LRRC4B: variants seen among roughly 807,000 people sequenced by gnomAD.
LRRC4B encodes the protein leucine-rich repeat-containing protein 4B.
LRRC4B carries 1 observed loss-of-function variant against 7.3 expected under a neutral mutation model. The ratio of observed to expected loss-of-function variants is 0.14; its 90% confidence interval spans 0.05 to 0.65. The LOEUF (loss-of-function observed/expected upper bound fraction) is 0.65. Among genes scored for constraint, LRRC4B ranks in the 30% least tolerant of loss-of-function variants. The pLI is 0.84. For missense variants in LRRC4B, 730 were observed against 1,041.6 expected, an observed-to-expected ratio of 0.70 and a Z score of 4.12; for synonymous variants, 500 against 499.2, an observed-to-expected ratio of 1.00 and a Z score of -0.02.
At chr19:50,521,048 C>G (rs1011281636) in intron 2 of LRRC4B, among the ~76,000 whole-genome samples, 16 of 152,114 alleles carry the variant, frequency 1.1e-4, no homozygotes, top group African/African-American at 2.9e-4. Flanking sequence ...GTAAAGGATG[C>G]TGCGGCTCAG....
chr19:50,536,173 G>A (rs1177165819), intron 2 of LRRC4B, among the ~76,000 whole-genome samples: 6 of 150,288 alleles, frequency 4.0e-5, no homozygotes, highest in African/African-American at 9.8e-5. Flanking sequence ...TCGCTCTGTC[G>A]CCCAGGCTGG....
chr19:50,544,086 A>G (rs940738925), intron 2 of LRRC4B, among the ~76,000 whole-genome samples: 5 of 152,128 alleles, frequency 3.3e-5, no homozygotes, highest in Admixed American at 6.6e-5. Flanking sequence ...GTGCGCCTGT[A>G]ATCCCAGCTA....
rs550745621 is a variant in LRRC4B at position 50,545,760 on chromosome 19, G to C, written c.297+2782C>G. The stretch of plus-strand genomic sequence containing the variant: ...TTTTTTTTTAAGACAGGGTCTCTCT[G>C]TTGCCCAGGATGGAGTGCAGTGGTG... On this transcript the variant is annotated intron_variant, in intron 2 of 2. Transcript: ENST00000652263. Among the ~76,000 whole-genome samples the C allele has an allele frequency of 2.2e-3, 272 of 123,740 alleles. 3 individuals carry two copies. Among genetic ancestry groups the C allele is most frequent in the African/African-American group, 7.7e-3 (255 of 33,258 alleles). 81.2% of individuals were successfully genotyped at this position (123,740 alleles called of 152,430 possible).
intron 2 of LRRC4B, among the ~76,000 whole-genome samples, chr19:50,534,971 T>C (rs1465119402): frequency 6.6e-6 from 1 of 151,830 alleles, no homozygotes; most frequent in Non-Finnish European, 1.5e-5. Context: ...CGGGTTCAAG[T>C]GATTCTCCTG....
At chr19:50,551,103 C>CG (rs1360362790) in intron 1 of LRRC4B, 3 of 149,572 alleles carry the variant, frequency 2.0e-5, no homozygotes, top group Admixed American at 2.0e-4. Flanking sequence ...GCTTCTGCAG[C>CG]GACTCGGCCT....
At position 50,548,440 on chromosome 19, in the gene LRRC4B, G is replaced by A. The variant is rs1246883410; in HGVS notation, c.297+102C>T. 40 of 1,460,928 alleles carry A rather than the reference G, an allele frequency of 2.7e-5. No individual in the cohort carries two copies. The highest frequency in any genetic ancestry group is 2.3e-4 in the Middle Eastern group (1 of 4,270). 90.5% of individuals were successfully genotyped at this position (1,460,928 alleles called of 1,614,324 possible). ...GGCCACATCCACAGGTGCCGGAGAC[G>A]GGGAAGCCCCGGTGTGGGGAGGCCC... On this transcript the variant is annotated intron_variant, in intron 2 of 2. Transcript: ENST00000652263. This position sits in a 1 kb window ranked among gnomAD's most constrained non-coding sequence, Gnocchi z 6.8.
chr19:50,562,627 C>T (rs1482881638), intron 1 of LRRC4B, among the ~76,000 whole-genome samples: 1 of 152,168 alleles, frequency 6.6e-6, no homozygotes, highest in Non-Finnish European at 1.5e-5. Context: ...AAGCTCAACT[C>T]CCTGGGCTGG....
chr19:50,536,064 C>A (rs1038927079), intron 2 of LRRC4B, among the ~76,000 whole-genome samples: 7 of 152,004 alleles, frequency 4.6e-5, no homozygotes, highest in Admixed American at 2.6e-4. Flanking sequence ...CCTTCCCTGG[C>A]CTCCCCTCAC....
chr19:50,528,028 A>G (rs760424291), intron 2 of LRRC4B, among the ~76,000 whole-genome samples: 4 of 151,908 alleles, frequency 2.6e-5, no homozygotes, highest in Non-Finnish European at 5.9e-5. Context: ...GGCGTGAGCC[A>G]CCGTGCCTGG....
In LRRC4B at chr19:50,517,459, T is replaced by C; in HGVS notation, c.*112A>G. Reference sequence around the variant, plus strand: ...AGCCACCTCTCCCCAATTCCCTGCGTGGTCCCAGAAGGTGGGCTGGGCTGT... The same window carrying C: ...AGCCACCTCTCCCCAATTCCCTGCGCGGTCCCAGAAGGTGGGCTGGGCTGT... On this transcript the variant is annotated 3_prime_UTR_variant, in exon 3 of 3. Coordinates refer to ENST00000652263, the MANE Select transcript of LRRC4B (RefSeq NM_001080457.2). The surrounding 1 kb of genome is among the most constrained non-coding windows in gnomAD (Gnocchi z 6.6). 1.0e-6 allele frequency: 1 copy of C among 982,322 alleles called. No homozygotes were observed. 60.9% of individuals were successfully genotyped at this position (982,322 alleles called of 1,614,324 possible). A position where few individuals can be genotyped will look rare whatever the true frequency, so the allele number is the denominator to read the frequency against.
chr19:50,540,209 C>T (rs1324913039), intron 2 of LRRC4B, among the ~76,000 whole-genome samples: 1 of 152,090 alleles, frequency 6.6e-6, no homozygotes, highest in Admixed American at 6.5e-5. Context: ...ACCCAGGGGT[C>T]CGCAACCCCT....
chr19:50,562,844 G>A (rs1454375097), intron 1 of LRRC4B, among the ~76,000 whole-genome samples: 2 of 151,244 alleles, frequency 1.3e-5, no homozygotes, highest in African/African-American at 2.4e-5. Context: ...GGGTTCAAGC[G>A]ATTCTCCTGC....
chr19:50,547,917 C>T (rs1342552599), intron 2 of LRRC4B, among the ~76,000 whole-genome samples: 1 of 151,996 alleles, frequency 6.6e-6, no homozygotes, highest in Non-Finnish European at 1.5e-5. Context: ...GCGTTCTCAG[C>T]CTCTCTGCTC....
intron 1 of LRRC4B, among the ~76,000 whole-genome samples, chr19:50,552,700 C>T (rs1472956230): frequency 6.9e-5 from 10 of 145,026 alleles, no homozygotes; most frequent in African/African-American, 1.3e-4. Context: ...GTCCATCCAT[C>T]CGCCCATCCG....
At chr19:50,541,368 C>CAAAAAA (rs71332010) in intron 2 of LRRC4B, among the ~76,000 whole-genome samples, 11 of 74,970 alleles carry the variant, frequency 1.5e-4, no homozygotes, top group African/African-American at 3.1e-4. Context: ...GACTCTATCT[C>CAAAAAA]AAAAAAAAAA....
At chr19:50,559,683 G>C (rs10153469) in intron 1 of LRRC4B, among the ~76,000 whole-genome samples, 32,894 of 152,294 alleles carry the variant, frequency 0.22, 11,767 homozygotes, top group African/African-American at 0.74. Flanking sequence ...TAGGAAGGAC[G>C]CTGATCCGAT....
intron 1 of LRRC4B, among the ~76,000 whole-genome samples, chr19:50,549,456 C>T (rs1401873639): frequency 6.6e-6 from 1 of 151,890 alleles, no homozygotes; most frequent in Non-Finnish European, 1.5e-5. Flanking sequence ...AGATGCATTT[C>T]CCCCACCCCC....
intron 2 of LRRC4B, among the ~76,000 whole-genome samples, chr19:50,544,619 G>T (rs1981719208): frequency 1.3e-5 from 2 of 152,212 alleles, no homozygotes; most frequent in South Asian, 4.1e-4. Context: ...TGGGGAGGGT[G>T]TCCGAATGCA....
At chr19:50,538,858 C>T (rs1981413893) in intron 2 of LRRC4B, among the ~76,000 whole-genome samples, 1 of 150,304 alleles carries the variant, frequency 6.7e-6, no homozygotes, top group Non-Finnish European at 1.5e-5. Flanking sequence ...TGTGAGCCAC[C>T]GTGCTGGGAT....
Sources: gnomAD v4.1 joint callset for allele counts (sites outside exome capture counted in the v4.1 genomes callset) on GRCh38, gnomAD v4.1.1 for gene constraint, Gnocchi (gnomAD v3.1) non-coding constraint, MANE v1.5 for transcripts, NCBI Gene and HGNC (gene_info 2026-07-23, HGNC 2026-07-21) for gene names.